Variants in ZBBX observed in about 807,000 individuals in gnomAD.
ZBBX encodes the protein zinc finger B-box domain containing, also known as zinc finger B-box domain-containing protein 1.
In ZBBX, 101 loss-of-function variants were observed where a neutral mutation model predicts 108.5. The observed-to-expected ratio is 0.93, with a 90% CI of 0.79 to 1.10. The LOEUF is 1.10. ZBBX is among the 50% of genes least tolerant of loss of function. The pLI is 0.00. For synonymous variants in ZBBX, 356 were observed against 323.4 expected, an observed-to-expected ratio of 1.10 and a Z score of -1.08; for missense variants, 1,009 against 941.4, an observed-to-expected ratio of 1.07 and a Z score of -0.94.
At chr3:167,293,257 T>G (rs2108137837) in intron 18 of ZBBX, among the ~76,000 whole-genome samples, 1 of 152,104 alleles carries the variant, frequency 6.6e-6, no homozygotes, top group Admixed American at 6.6e-5. Context: ...AAAAAGAAAA[T>G]TTCAGGCCAA....
chr3:167,288,818 A>G, intron 19 of ZBBX, 49 bp downstream of exon 19: 1 of 1,332,568 alleles, frequency 7.5e-7, no homozygotes, highest in South Asian at 1.6e-5. Flanking sequence ...CAAACTACTA[A>G]AGGAAGTAAG....
the ZBBX span, among the ~76,000 whole-genome samples, chr3:167,220,536 C>A: frequency 1.3e-5 from 2 of 151,924 alleles, no homozygotes; most frequent in African/African-American, 4.8e-5. Flanking sequence ...AATTCAACAT[C>A]CCATTATGAT....
Position 167,298,533 on chromosome 3 carries a change from C to T in ZBBX, c.1726-75G>A. The T allele has an allele frequency of 4.3e-6, 5 of 1,160,424 alleles. No homozygotes were observed. The South Asian group carries it at 1.2e-4, about 27-fold the overall frequency. The allele number at this position is 1,160,424 out of a possible 1,614,324, so 71.9% of individuals were successfully genotyped here. ...ACAAGCATATTCATTTATCAGATACCTACTTGGTATCTGATATACTTGGCA... is the reference window on the plus strand; with the variant it reads ...ACAAGCATATTCATTTATCAGATACTTACTTGGTATCTGATATACTTGGCA... On this transcript the variant is annotated intron_variant, in intron 17 of 21. Transcript: ENST00000675490.
rs535600685 is a variant in ZBBX at position 167,290,308 on chromosome 3, G to A, written c.1880-1325C>T. 2.6e-5 allele frequency among the ~76,000 whole-genome samples: 4 copies of A among 152,284 alleles called. No homozygotes were observed. The South Asian group carries it at 8.3e-4, about 32-fold the overall frequency. ...CAGACACCTCTTACAGGAGAGCTCT[G>A]GCTGGCATCTGGTGGGTGCCTCACT... On this transcript the variant is annotated intron_variant, in intron 18 of 21. Transcript: ENST00000675490.
intron 12 of ZBBX, among the ~76,000 whole-genome samples, chr3:167,319,733 T>C (rs1208940713): frequency 6.6e-6 from 1 of 152,066 alleles, no homozygotes; most frequent in Non-Finnish European, 1.5e-5. Flanking sequence ...AATTGTCCCT[T>C]GTTTCTCTCA....
chr3:167,380,142 C>T (rs1747581532), intron 1 of ZBBX, 105 bp downstream of exon 1: 1 of 152,600 alleles, frequency 6.6e-6, no homozygotes, highest in Admixed American at 6.5e-5. Flanking sequence ...TTCCCAGCCG[C>T]GCTGCCCGCT....
At position 167,369,433 on chromosome 3, in the gene ZBBX, C is replaced by T. The variant is rs192574882; in HGVS notation, c.69-859G>A. Reference sequence around the variant, plus strand: ...TAGCAAGCAATTACCAAAAAGCAAGCGGGCCAAGGATATGTCCTAAGCGGA... The same window carrying T: ...TAGCAAGCAATTACCAAAAAGCAAGTGGGCCAAGGATATGTCCTAAGCGGA... On this transcript the variant is annotated intron_variant, in intron 4 of 21. Transcript: ENST00000675490. 5.2e-3 allele frequency among the ~76,000 whole-genome samples: 793 copies of T among 152,178 alleles called. 4 individuals are homozygous for T. Among genetic ancestry groups the T allele is most frequent in the Non-Finnish European group, 8.1e-3 (551 of 67,998 alleles).
chr3:167,314,030 T>A lies in ZBBX; in HGVS notation c.1361A>T (p.Asp454Val), dbSNP rs747757905. ...QHHVFDKGKR[D>V]FLNLCLRNSS... is the part of the protein sequence containing the mutation. ...GTTTCTCAGACAAAGATTTAAGAAG[T>A]CTCTCTTTCCCTTATCGAAAACATG... Residue 454 changes from aspartate to valine, a missense_variant, in exon 16 of 22, where the codon GAC (aspartate) becomes GTC (valine). Physicochemically the swap from Asp to Val is radical, Grantham distance 152. Coordinates refer to ENST00000675490, the MANE Select transcript of ZBBX (RefSeq NM_001199201.2). 6.2e-7 allele frequency: 1 copy of A among 1,606,760 alleles called. No individual in the cohort carries two copies. Among genetic ancestry groups the A allele is most frequent in the South Asian group, 1.1e-5 (1 of 89,524 alleles).
At chr3:167,295,688 T>C (rs1731521054) in intron 18 of ZBBX, among the ~76,000 whole-genome samples, 1 of 102,674 alleles carries the variant, frequency 9.7e-6, no homozygotes, top group South Asian at 3.0e-4. Context: ...TAAAAAAAAA[T>C]CATGAAGAAA....
chr3:167,281,416 A>G (rs1473643172), intron 20 of ZBBX, among the ~76,000 whole-genome samples: 2 of 152,144 alleles, frequency 1.3e-5, no homozygotes, highest in Non-Finnish European at 2.9e-5. Flanking sequence ...GAACAATAGC[A>G]AAGTCGTTAC....
At chr3:167,289,757 G>A (rs535659853) in intron 18 of ZBBX, among the ~76,000 whole-genome samples, 1 of 152,110 alleles carries the variant, frequency 6.6e-6, no homozygotes, top group African/African-American at 2.4e-5. Context: ...CAGAAGCCAG[G>A]GGGGTGAAGC....
intron 20 of ZBBX, among the ~76,000 whole-genome samples, chr3:167,250,258 G>C (rs1722343152): frequency 6.6e-6 from 1 of 152,142 alleles, no homozygotes; most frequent in Non-Finnish European, 1.5e-5. Context: ...GCAGGAAACA[G>C]ACAAAAGCTT....
In ZBBX at chr3:167,242,959, T is replaced by A. The variant is rs1423707541; in HGVS notation, c.2255-316A>T. On this transcript the variant is annotated intron_variant, in intron 20 of 21. Coordinates refer to ENST00000675490, the MANE Select transcript of ZBBX (RefSeq NM_001199201.2). ...AATGACCCCCTTTAAAGCTACAATA[T>A]TTTGCAGCCACTCAACCTGTTGGAC... Among the ~76,000 whole-genome samples, 9 of 152,272 alleles carry A rather than the reference T, an allele frequency of 5.9e-5. No individual in the cohort carries two copies. The East Asian group carries it at 1.7e-3, about 29-fold the overall frequency.
chr3:167,345,385 T>A, intron 9 of ZBBX, among the ~76,000 whole-genome samples: 1 of 151,924 alleles, frequency 6.6e-6, no homozygotes, highest in East Asian at 1.9e-4. Flanking sequence ...ATAAGGAATA[T>A]GCATTATTCA....
the ZBBX span, among the ~76,000 whole-genome samples, chr3:167,199,197 G>A: frequency 6.6e-6 from 1 of 152,184 alleles, no homozygotes; most frequent in Non-Finnish European, 1.5e-5. Context: ...GGGGACATGT[G>A]AGAGATTGTG....
At chr3:167,208,551 G>C in the ZBBX span, among the ~76,000 whole-genome samples, 2 of 152,154 alleles carry the variant, frequency 1.3e-5, no homozygotes, top group East Asian at 3.9e-4. Context: ...AACATTTCTA[G>C]ACACATCCTG....
At position 167,330,021 on chromosome 3, in the gene ZBBX, CA is replaced by C. The variant is rs551364031; in HGVS notation, c.688-1906del. Among the ~76,000 whole-genome samples, 409 of 152,194 alleles carry C rather than the reference CA, an allele frequency of 2.7e-3. 2 individuals carry two copies. Among genetic ancestry groups the C allele is most frequent in the African/African-American group, 9.7e-3 (401 of 41,546 alleles). Reference sequence around the variant, plus strand: ...TACATTTGTGCAAAACCACATTATTCAAAATTATACTTTATATTTTAGCATA... The same window carrying C: ...TACATTTGTGCAAAACCACATTATTCAAATTATACTTTATATTTTAGCATA... On this transcript the variant is annotated intron_variant, in intron 10 of 21. Transcript: ENST00000675490.
At chr3:167,330,806 AAGG>A (rs1560135744) in intron 10 of ZBBX, among the ~76,000 whole-genome samples, 2 of 90,950 alleles carry the variant, frequency 2.2e-5, no homozygotes, top group Admixed American at 1.2e-4. Flanking sequence ...GAAGAAGAAG[AAGG>A]AGGAGGAGAA....
At chr3:167,220,430 C>T in the ZBBX span, among the ~76,000 whole-genome samples, 5 of 151,942 alleles carry the variant, frequency 3.3e-5, no homozygotes, top group Admixed American at 1.3e-4. Context: ...AATGGTTCAA[C>T]GTACACAAAT....
Sources: allele counts gnomAD v4.1 joint callset (sites outside exome capture counted in the v4.1 genomes callset), GRCh38; gene constraint gnomAD v4.1.1; transcripts MANE v1.5; gene names NCBI Gene and HGNC (gene_info 2026-07-23, HGNC 2026-07-21).